Variants in COL11A1 observed in about 807,000 individuals in gnomAD.
COL11A1 encodes collagen type XI alpha 1 chain.
A neutral mutation model predicts 265.2 loss-of-function variants in COL11A1; 74 were observed. The observed-to-expected ratio is 0.28, with a 90% CI of 0.23 to 0.34. The LOEUF is 0.34. COL11A1 is among the 10% of genes least tolerant of loss of function. The probability of loss-of-function intolerance (pLI) is 1.00; values close to 1 mark genes in which losing one functional copy is unlikely to be tolerated. For synonymous variants in COL11A1, 816 were observed against 727.6 expected (o/e 1.12, Z -1.96); for missense variants, 2,165 against 2,263.6 (o/e 0.96, Z 0.88).
chr1:103,103,042 C>T (rs1393285796), intron 1 of COL11A1, among the ~76,000 whole-genome samples: 2 of 151,906 alleles, frequency 1.3e-5, no homozygotes, highest in Non-Finnish European at 2.9e-5. Flanking sequence ...ACATTAACTG[C>T]CCATTTATGC....
chr1:102,956,907 TA>T (rs1394136421), intron 41 of COL11A1, among the ~76,000 whole-genome samples: 1 of 151,640 alleles, frequency 6.6e-6, no homozygotes, highest in Non-Finnish European at 1.5e-5. Context: ...AGTTAATATT[TA>T]AAAAAATTTT....
chr1:103,053,251 C>A (rs911518248), intron 4 of COL11A1, among the ~76,000 whole-genome samples: 1 of 152,094 alleles, frequency 6.6e-6, no homozygotes, highest in Non-Finnish European at 1.5e-5. Context: ...GCCTTAAATG[C>A]GTCATTGAGC....
chr1:103,093,318 C>A (rs1315861612), intron 1 of COL11A1, among the ~76,000 whole-genome samples: 1 of 152,014 alleles, frequency 6.6e-6, no homozygotes, highest in Non-Finnish European at 1.5e-5. Context: ...ACAGGAGAAG[C>A]ACCTTTCGTT....
intron 54 of COL11A1, among the ~76,000 whole-genome samples, chr1:102,905,696 A>G (rs909412566): frequency 6.6e-6 from 1 of 152,096 alleles, no homozygotes; most frequent in Non-Finnish European, 1.5e-5. Context: ...ATTTTTGGTA[A>G]TTGTTCTCAT....
intron 53 of COL11A1, 131 bp from the exon 54 acceptor site, chr1:102,912,343 A>G (rs1654789299): frequency 5.6e-6 from 4 of 717,062 alleles, no homozygotes; most frequent in Non-Finnish European, 6.9e-6. Flanking sequence ...GGAAAATCTC[A>G]GCCCTATTTC....
At chr1:103,010,475 G>A (rs1172927212) in intron 14 of COL11A1, among the ~76,000 whole-genome samples, 1 of 152,102 alleles carries the variant, frequency 6.6e-6, no homozygotes, top group Admixed American at 6.6e-5. Context: ...CTTTGAGAAT[G>A]TGTTTATGGG....
At chr1:102,899,036 A>C (rs1652827640) in intron 54 of COL11A1, 42 bp from the exon 55 acceptor site, 1 of 1,183,632 alleles carries the variant, frequency 8.4e-7, no homozygotes, top group Non-Finnish European at 1.2e-6. Flanking sequence ...ATCACATATA[A>C]AAGTAATGTT....
chr1:103,108,411 G>A lies in COL11A1; in HGVS notation c.-233C>T, dbSNP rs1235398784. ...CCACCGGCCGGGACCCTCCGGCCGC[G>A]ACCCTCTGATCCTTCCTCTGCCGGG... On this transcript the variant is annotated 5_prime_UTR_variant, in exon 1 of 67. Transcript: ENST00000370096. The A allele has an allele frequency of 3.3e-6, 2 of 611,076 alleles. No individual in the cohort carries two copies. The highest frequency in any genetic ancestry group is 2.7e-5 in the East Asian group (1 of 36,530). 37.9% of individuals were successfully genotyped at this position (611,076 alleles called of 1,614,324 possible). A position where few individuals can be genotyped will look rare whatever the true frequency, so the allele number is the denominator to read the frequency against.
intron 28 of COL11A1, among the ~76,000 whole-genome samples, chr1:102,990,831 G>T (rs532956548): frequency 1.2e-4 from 18 of 150,968 alleles, no homozygotes; most frequent in African/African-American, 4.1e-4. Flanking sequence ...TAAGGAGTTC[G>T]AGACCAGCCT....
intron 4 of COL11A1, among the ~76,000 whole-genome samples, chr1:103,065,392 C>T (rs188306070): frequency 2.0e-5 from 3 of 151,512 alleles, no homozygotes; most frequent in African/African-American, 7.3e-5. Flanking sequence ...TGTTGGCAGG[C>T]GCCTGTAGTC....
intron 3 of COL11A1, among the ~76,000 whole-genome samples, chr1:103,078,144 G>A (rs1276763105): frequency 1.3e-5 from 2 of 151,920 alleles, no homozygotes; most frequent in Non-Finnish European, 2.9e-5. Flanking sequence ...CTCCTACAAT[G>A]TGTTATACCA....
At chr1:102,921,402 AC>A in intron 48 of COL11A1, 115 bp downstream of exon 48, 1 of 816,910 alleles carries the variant, frequency 1.2e-6, no homozygotes. Context: ...TGAGTTCTTA[AC>A]CACTTAATAT....
At chr1:102,954,237 T>G (rs950712007) in intron 41 of COL11A1, among the ~76,000 whole-genome samples, 11 of 152,172 alleles carry the variant, frequency 7.2e-5, no homozygotes. Flanking sequence ...CATCTAAAAC[T>G]TACAATGATA....
intron 50 of COL11A1, 22 bp from the exon 51 acceptor site, chr1:102,914,833 AAAAG>A: frequency 3.2e-6 from 5 of 1,564,540 alleles, no homozygotes; most frequent in Non-Finnish European, 4.4e-6. Flanking sequence ...TAAAAAAAAA[AAAAG>A]AAGAAGAAGG....
At chr1:102,974,154 C>A (rs1662239345) in intron 36 of COL11A1, among the ~76,000 whole-genome samples, 1 of 147,348 alleles carries the variant, frequency 6.8e-6, no homozygotes, top group Non-Finnish European at 1.5e-5. Flanking sequence ...GACTCCCACT[C>A]TCTTAAAGAA....
At chr1:102,960,162 A>G (rs970421007) in intron 41 of COL11A1, among the ~76,000 whole-genome samples, 30 of 152,312 alleles carry the variant, frequency 2.0e-4, no homozygotes, top group African/African-American at 7.0e-4. Context: ...TTTAAAAAAT[A>G]TCTTTGCCAC....
intron 46 of COL11A1, among the ~76,000 whole-genome samples, chr1:102,932,405 T>C (rs1287804573): frequency 6.6e-6 from 1 of 152,226 alleles, no homozygotes; most frequent in African/African-American, 2.4e-5. Flanking sequence ...TTCTTTAAGA[T>C]GTTGAATATT....
chr1:102,921,473 C>T, intron 48 of COL11A1, 45 bp downstream of exon 48: 1 of 1,425,602 alleles, frequency 7.0e-7, no homozygotes, highest in Non-Finnish European at 9.9e-7. Context: ...AATAACAATA[C>T]CTATATAACT....
In COL11A1 at chr1:102,913,678, C is replaced by T; in HGVS notation, c.3991G>A (p.Val1331Ile). ...GEPGPAGQDG[V>I]GGDKGEDGDP... ...CCATCTTCACCCTTGTCACCACCAA[C>T]ACCATCTTGACCCTATAAGAGGCAA... Residue 1331 changes from valine (V) to isoleucine (I), a missense_variant, in exon 53 of 67, where the codon GTT becomes ATT. Val to Ile is a conservative substitution (Grantham distance 29). Transcript: ENST00000370096. 2 of 1,613,434 alleles carry T rather than the reference C, an allele frequency of 1.2e-6. No individual in the cohort carries two copies. The highest frequency in any genetic ancestry group is 1.1e-5 in the South Asian group (1 of 91,080).
Sources: allele counts gnomAD v4.1 joint callset (sites outside exome capture counted in the v4.1 genomes callset), GRCh38; gene constraint gnomAD v4.1.1; transcripts MANE v1.5; gene names NCBI Gene and HGNC (gene_info 2026-07-23, HGNC 2026-07-21).